Variants in ENOX1 observed in about 807,000 individuals in gnomAD.
ENOX1 encodes the protein candidate growth-related and time keeping constitutive hydroquinone (NADH) oxidase.
In ENOX1, 42 loss-of-function variants were observed where a neutral mutation model predicts 82.5. The observed-to-expected ratio is 0.51, with a 90% CI of 0.40 to 0.66. ENOX1 has a LOEUF of 0.66. ENOX1 is among the 30% of genes least tolerant of loss of function. The pLI is 0.00. For synonymous variants in ENOX1, 271 were observed against 282.2 expected, an observed-to-expected ratio of 0.96 and a Z score of 0.40; for missense variants, 608 against 811.6, an observed-to-expected ratio of 0.75 and a Z score of 3.05.
intron 3 of ENOX1, among the ~76,000 whole-genome samples, chr13:43,449,221 G>GCAA (rs1566249172): frequency 6.6e-6 from 1 of 152,134 alleles, no homozygotes; most frequent in Non-Finnish European, 1.5e-5. Context: ...CTAAGCAGAC[G>GCAA]CAAACACTGT....
At chr13:43,730,001 C>T (rs2089236885) in intron 1 of ENOX1, among the ~76,000 whole-genome samples, 1 of 152,216 alleles carries the variant, frequency 6.6e-6, no homozygotes, top group African/African-American at 2.4e-5. Context: ...AGAGATCCCT[C>T]CCCTCTCTCC....
At chr13:43,557,107 G>A (rs943221378) in intron 2 of ENOX1, among the ~76,000 whole-genome samples, 1 of 152,168 alleles carries the variant, frequency 6.6e-6, no homozygotes, top group Non-Finnish European at 1.5e-5. Context: ...ACCCCAACAC[G>A]CAGGAAAGAC....
intron 1 of ENOX1, among the ~76,000 whole-genome samples, chr13:43,697,907 A>C (rs2086717646): frequency 6.6e-6 from 1 of 152,196 alleles, no homozygotes; most frequent in Admixed American, 6.5e-5. Flanking sequence ...AAGGCTCACA[A>C]ACTGACTGAA....
At chr13:43,315,077 A>T (rs1166708964) in intron 11 of ENOX1, among the ~76,000 whole-genome samples, 1 of 152,250 alleles carries the variant, frequency 6.6e-6, no homozygotes, top group Non-Finnish European at 1.5e-5. Context: ...GAGCCTTAAA[A>T]AATACACGGA....
chr13:43,324,478 T>C (rs2047995324), intron 10 of ENOX1, among the ~76,000 whole-genome samples: 3 of 152,160 alleles, frequency 2.0e-5, no homozygotes. Flanking sequence ...TACATGGGAA[T>C]GTGGGAAAAA....
At chr13:43,483,778 G>A (rs996170781) in intron 3 of ENOX1, among the ~76,000 whole-genome samples, 20 of 151,622 alleles carry the variant, frequency 1.3e-4, no homozygotes, top group Admixed American at 6.6e-4. Context: ...GTCAATGTGG[G>A]GTATATTTTA....
chr13:43,383,954 C>T (rs2052241972), intron 5 of ENOX1, among the ~76,000 whole-genome samples: 3 of 152,180 alleles, frequency 2.0e-5, no homozygotes, highest in Admixed American at 2.0e-4. Flanking sequence ...GTAAAGGCTG[C>T]CACTACAGGG....
intron 3 of ENOX1, among the ~76,000 whole-genome samples, chr13:43,413,230 C>A (rs985306257): frequency 1.3e-5 from 2 of 152,290 alleles, no homozygotes; most frequent in African/African-American, 4.8e-5. Flanking sequence ...GCTGAATAAA[C>A]AGCCCCATTT....
rs563925262 is a variant in ENOX1, at chr13:43,614,030, C to T, written c.-219+53449G>A. 9.9e-5 allele frequency among the ~76,000 whole-genome samples: 15 copies of T among 152,240 alleles called. No homozygotes were observed. In the South Asian group the frequency reaches 3.1e-3, roughly 32 times the overall value. On this transcript the variant is annotated intron_variant, in intron 2 of 16. Coordinates refer to ENST00000690772, the MANE Select transcript of ENOX1 (RefSeq NM_001347969.2). ...AAAAGTGTCAGCTGTCCTAGGAATG[C>T]AGAATATAAAAGGTGGGGCAACAGG...
intron 12 of ENOX1, among the ~76,000 whole-genome samples, chr13:43,289,586 C>A (rs1018500153): frequency 2.0e-5 from 3 of 151,990 alleles, no homozygotes; most frequent in Non-Finnish European, 4.4e-5. Flanking sequence ...CAAAACCGGT[C>A]AAAGATTTAA....
chr13:43,626,506 C>T (rs1603302), intron 2 of ENOX1, among the ~76,000 whole-genome samples: 150,223 of 151,910 alleles, frequency 0.99, 74,297 homozygotes, highest in Middle Eastern at 1. Flanking sequence ...TGTTGTGTTT[C>T]CATTTTCATT....
At chr13:43,253,019 T>C (rs2043544292) in intron 14 of ENOX1, among the ~76,000 whole-genome samples, 1 of 152,214 alleles carries the variant, frequency 6.6e-6, no homozygotes, top group South Asian at 2.1e-4. Flanking sequence ...CCACCAAACA[T>C]GTTACTTGTA....
rs151086553 is a variant in ENOX1, at chr13:43,214,452, G to C, written c.1801-331C>G. On this transcript the variant is annotated intron_variant, in intron 16 of 16. Coordinates refer to ENST00000690772, the MANE Select transcript of ENOX1 (RefSeq NM_001347969.2). Reference sequence around the variant, plus strand: ...GGGAGGGAATTTAAGAGGGCTCCCAGCAAATCCATCACCACTCCTGGAAAG... The same window carrying C: ...GGGAGGGAATTTAAGAGGGCTCCCACCAAATCCATCACCACTCCTGGAAAG... Among the ~76,000 whole-genome samples the C allele has an allele frequency of 3.2e-3, 482 of 152,208 alleles. 5 individuals carry two copies. The highest frequency in any genetic ancestry group is 0.011 in the African/African-American group (468 of 41,526).
intron 2 of ENOX1, among the ~76,000 whole-genome samples, chr13:43,651,939 C>T (rs2084201187): frequency 7.5e-6 from 1 of 132,698 alleles, no homozygotes; most frequent in Admixed American, 8.6e-5. Context: ...CGTGCCATCG[C>T]AGCCTGGGCA....
intron 1 of ENOX1, among the ~76,000 whole-genome samples, chr13:43,697,427 A>G (rs892768627): frequency 2.6e-5 from 4 of 152,190 alleles, no homozygotes; most frequent in Non-Finnish European, 5.9e-5. Flanking sequence ...ACCAAATTTT[A>G]GGGCTCAACC....
At chr13:43,571,710 A>C (rs2080188813) in intron 2 of ENOX1, among the ~76,000 whole-genome samples, 2 of 152,036 alleles carry the variant, frequency 1.3e-5, no homozygotes. Context: ...ACAAACAAAC[A>C]AACAAAAATC....
intron 9 of ENOX1, among the ~76,000 whole-genome samples, chr13:43,336,556 G>A (rs576945812): frequency 6.6e-6 from 1 of 152,336 alleles, no homozygotes; most frequent in Non-Finnish European, 1.5e-5. Context: ...AATTCACAGT[G>A]TAGCCCAGGA....
intron 5 of ENOX1, among the ~76,000 whole-genome samples, chr13:43,370,983 C>A (rs964294580): frequency 5.9e-5 from 9 of 151,976 alleles, no homozygotes; most frequent in Admixed American, 1.3e-4. Context: ...GATCAGCCAG[C>A]GATGCACACG....
chr13:43,475,794 C>CAAAAAAAAAAAAA (rs10624980), intron 3 of ENOX1, among the ~76,000 whole-genome samples: 5 of 70,928 alleles, frequency 7.0e-5, no homozygotes, highest in African/African-American at 2.5e-4. Context: ...CATAACTGAC[C>CAAAAAAAAAAAAA]AAAAAAAAAA....
Sources: gnomAD v4.1 joint callset for allele counts (sites outside exome capture counted in the v4.1 genomes callset) on GRCh38, gnomAD v4.1.1 for gene constraint, MANE v1.5 for transcripts, NCBI Gene and HGNC (gene_info 2026-07-23, HGNC 2026-07-21) for gene names.